ALK: variants seen among roughly 807,000 people sequenced by gnomAD.
The protein encoded by ALK is ALK receptor tyrosine kinase, also known as ALK tyrosine kinase receptor.
In ALK, 74 loss-of-function variants were observed where a neutral mutation model predicts 163.1. The observed-to-expected ratio is 0.45, with a 90% CI of 0.38 to 0.55. The LOEUF is 0.55. Ranked by LOEUF, ALK falls within the 20% of genes least tolerant of loss-of-function variation. The pLI is 0.00. For synonymous variants in ALK, 960 were observed against 843.2 expected (o/e 1.14, Z -2.40); for missense variants, 2,063 against 2,105.3 (o/e 0.98, Z 0.39).
At chr2:29,386,907 C>T (rs1669045006) in intron 4 of ALK, among the ~76,000 whole-genome samples, 1 of 152,218 alleles carries the variant, frequency 6.6e-6, no homozygotes, top group Non-Finnish European at 1.5e-5. Context: ...TCTTGGTCTG[C>T]CTCCATTTTC....
chr2:29,608,212 T>A (rs1208474204), intron 3 of ALK, among the ~76,000 whole-genome samples: 1 of 152,222 alleles, frequency 6.6e-6, no homozygotes, highest in African/African-American at 2.4e-5. Flanking sequence ...CTTTCTTTTC[T>A]TCCTACCACC....
At position 29,532,203 on chromosome 2, in the gene ALK, A is replaced by G. The variant is rs987345659; in HGVS notation, c.953-87T>C. The G allele has an allele frequency of 1.0e-5, 13 of 1,287,836 alleles. No homozygotes were observed. The Admixed American group carries it at 2.1e-4, about 21-fold the overall frequency. The allele number at this position is 1,287,836 out of a possible 1,614,324, so 79.8% of individuals were successfully genotyped here. ...GTGGCAAGACTTAGAGACAAATGGC[A>G]TCAAAATCAGAGATACTGGAGGCCA... On this transcript the variant is annotated intron_variant, in intron 3 of 28. Transcript: ENST00000389048.
intron 4 of ALK, among the ~76,000 whole-genome samples, chr2:29,392,250 AAG>A (rs1669192123): frequency 6.6e-6 from 1 of 152,190 alleles, no homozygotes; most frequent in African/African-American, 2.4e-5. Flanking sequence ...CTCATTTTAT[AAG>A]AGAGAAATTT....
At chr2:29,217,444 A>T (rs1669671708) in intron 23 of ALK, among the ~76,000 whole-genome samples, 1 of 151,694 alleles carries the variant, frequency 6.6e-6, no homozygotes, top group Non-Finnish European at 1.5e-5. Context: ...CTGAATCTAG[A>T]CTCGCAGAGC....
Position 29,717,701 on chromosome 2 carries a change from G to C in ALK, c.668-4C>G. ...GGTGATTCCAAGGAGCTATGACCTG[G>C]ACATAAAAATAAAGAAAACACTGAT... On this transcript the variant is annotated splice_region_variant and splice_polypyrimidine_tract_variant and intron_variant, in intron 1 of 28. Coordinates refer to ENST00000389048, the MANE Select transcript of ALK (RefSeq NM_004304.5). 1 of 1,614,088 alleles carries C rather than the reference G, an allele frequency of 6.2e-7. No homozygotes were observed. The highest frequency in any genetic ancestry group is 2.2e-5 in the East Asian group (1 of 44,876).
chr2:29,409,864 C>A (rs1467872225), intron 4 of ALK, among the ~76,000 whole-genome samples: 1 of 152,132 alleles, frequency 6.6e-6, no homozygotes, highest in Admixed American at 6.5e-5. Flanking sequence ...CCCCATTACC[C>A]ATTTCTGTCT....
intron 4 of ALK, among the ~76,000 whole-genome samples, chr2:29,506,069 C>T (rs1391146010): frequency 6.6e-6 from 1 of 152,140 alleles, no homozygotes; most frequent in Non-Finnish European, 1.5e-5. Context: ...CAGTGATCCC[C>T]TAGGTAACTG....
intron 3 of ALK, among the ~76,000 whole-genome samples, chr2:29,607,154 T>C (rs1675562925): frequency 6.6e-6 from 1 of 152,180 alleles, no homozygotes; most frequent in Admixed American, 6.5e-5. Context: ...ATTTTCAAGT[T>C]TAGTGACAGT....
At chr2:29,857,470 C>T (rs983344073) in intron 1 of ALK, among the ~76,000 whole-genome samples, 11 of 152,158 alleles carry the variant, frequency 7.2e-5, no homozygotes, top group Non-Finnish European at 1.3e-4. Context: ...ATAGTGTAGT[C>T]ACCCTTGGCT....
chr2:29,583,781 G>A (rs1671148287), intron 3 of ALK, among the ~76,000 whole-genome samples: 1 of 152,234 alleles, frequency 6.6e-6, no homozygotes, highest in South Asian at 2.1e-4. Flanking sequence ...AACAGGGTAA[G>A]TAGCCGGCAT....
intron 1 of ALK, among the ~76,000 whole-genome samples, chr2:29,838,399 TG>T (rs1362847066): frequency 1.3e-5 from 2 of 152,108 alleles, no homozygotes; most frequent in Non-Finnish European, 2.9e-5. Context: ...ATAAATACAA[TG>T]ATGGCTCTAC....
Position 29,419,948 on chromosome 2 carries a change from A to G in ALK, c.1155-36089T>C, listed in dbSNP as rs1462111358. Among the ~76,000 whole-genome samples, 3 of 151,232 alleles carry G rather than the reference A, an allele frequency of 2.0e-5. 1 individual carries two copies. Among genetic ancestry groups the G allele is most frequent in the African/African-American group, 7.4e-5 (3 of 40,586 alleles). ...CCAAGGTAGGCAAATCACTTGAGCT[A>G]AGGAGTTTGAGACCAGCCTGGGCAA... On this transcript the variant is annotated intron_variant, in intron 4 of 28. Coordinates refer to ENST00000389048, the MANE Select transcript of ALK (RefSeq NM_004304.5).
At chr2:29,256,999 GAGA>G (rs925801396) in intron 11 of ALK, among the ~76,000 whole-genome samples, 60 of 152,288 alleles carry the variant, frequency 3.9e-4, no homozygotes, top group African/African-American at 1.4e-3. Context: ...AGTTTTTGGA[GAGA>G]AGATCAAGGT....
intron 2 of ALK, among the ~76,000 whole-genome samples, chr2:29,714,762 A>C (rs1251084569): frequency 6.6e-6 from 1 of 152,218 alleles, no homozygotes; most frequent in Non-Finnish European, 1.5e-5. Flanking sequence ...CCTTAAAATT[A>C]ATGAAGTTGT....
chr2:29,216,092 G>T (rs1467257362), intron 23 of ALK, among the ~76,000 whole-genome samples: 1 of 152,178 alleles, frequency 6.6e-6, no homozygotes, highest in Non-Finnish European at 1.5e-5. Context: ...CAGAGACTCT[G>T]ATCATTCCCA....
intron 12 of ALK, among the ~76,000 whole-genome samples, chr2:29,242,693 G>A (rs150168206): frequency 3.3e-5 from 5 of 152,286 alleles, no homozygotes; most frequent in Non-Finnish European, 5.9e-5. Context: ...GAGCCTCAAC[G>A]TCCACTACTG....
At chr2:29,310,441 A>G (rs1312996347) in intron 8 of ALK, among the ~76,000 whole-genome samples, 1 of 152,230 alleles carries the variant, frequency 6.6e-6, no homozygotes, top group Non-Finnish European at 1.5e-5. Context: ...GACTAAGTGA[A>G]GGCTTCTTTC....
intron 9 of ALK, among the ~76,000 whole-genome samples, chr2:29,295,607 C>T (rs1233550829): frequency 3.3e-5 from 5 of 152,196 alleles, no homozygotes; most frequent in African/African-American, 1.2e-4. Context: ...GAGGACAATG[C>T]CTTTGTCCTT....
At chr2:29,608,691 C>T (rs116580637) in intron 3 of ALK, among the ~76,000 whole-genome samples, 464 of 152,256 alleles carry the variant, frequency 3.0e-3, no homozygotes, top group African/African-American at 9.7e-3. Context: ...ATGTTTCCAC[C>T]GTCCTAATGA....
Sources: allele counts gnomAD v4.1 joint callset (sites outside exome capture counted in the v4.1 genomes callset), GRCh38; gene constraint gnomAD v4.1.1; transcripts MANE v1.5; gene names NCBI Gene and HGNC (gene_info 2026-07-23, HGNC 2026-07-21).